The following EYS variants were observed in gnomAD, a reference collection of about 807,000 sequenced individuals.
The protein encoded by EYS is EGF-like photoreceptor maintenance factor.
In EYS, 250 loss-of-function variants were observed where a neutral mutation model predicts 282.1. That is an observed-to-expected ratio of 0.89 (90% CI 0.80 to 0.98). The LOEUF is 0.98. EYS is among the 50% of genes least tolerant of loss of function. The pLI, the probability that EYS is intolerant of heterozygous loss-of-function variation, is 0.00. For missense variants in EYS, 4,016 were observed against 3,709.0 expected (o/e 1.08, Z -2.15); for synonymous variants, 1,355 against 1,282.9 (o/e 1.06, Z -1.20).
intron 26 of EYS, among the ~76,000 whole-genome samples, chr6:64,513,271 C>A (rs1777463831): frequency 6.6e-6 from 1 of 151,822 alleles, no homozygotes; most frequent in Non-Finnish European, 1.5e-5. Flanking sequence ...GTGTCCTATA[C>A]TCACAAAATT....
rs138313960 is a variant in EYS at position 65,188,653 on chromosome 6, T to G, written c.2023+107210A>C. Among the ~76,000 whole-genome samples the G allele has an allele frequency of 2.6e-3, 391 of 151,312 alleles. 1 individual carries two copies. Among genetic ancestry groups the G allele is most frequent in the African/African-American group, 8.7e-3 (360 of 41,316 alleles). On this transcript the variant is annotated intron_variant, in intron 12 of 42. Transcript: ENST00000503581. ...TGACTTTAAAATACAGATATTATTC[T>G]GAATTATCTGGCAGGTCCCAATGTA...
At chr6:64,643,716 G>C (rs1031544071) in intron 22 of EYS, among the ~76,000 whole-genome samples, 1 of 152,166 alleles carries the variant, frequency 6.6e-6, no homozygotes, top group South Asian at 2.1e-4. Flanking sequence ...TCATGATAGT[G>C]AATAAGTCTC....
chr6:65,087,051 G>C (rs1303749577), intron 12 of EYS, among the ~76,000 whole-genome samples: 1 of 151,954 alleles, frequency 6.6e-6, no homozygotes, highest in Non-Finnish European at 1.5e-5. Flanking sequence ...TCAATCTCTT[G>C]ACCTCATAAT....
At chr6:65,609,859 T>C in intron 2 of EYS, among the ~76,000 whole-genome samples, 1 of 152,150 alleles carries the variant, frequency 6.6e-6, no homozygotes, top group East Asian at 1.9e-4. Context: ...CCACATATCA[T>C]GTGTCTACAC....
chr6:65,689,363 G>A (rs1349690394), intron 1 of EYS, among the ~76,000 whole-genome samples: 1 of 149,296 alleles, frequency 6.7e-6, no homozygotes, highest in Non-Finnish European at 1.5e-5. Flanking sequence ...ATCACACACT[G>A]GGGCCTGTTG....
intron 11 of EYS, among the ~76,000 whole-genome samples, chr6:65,324,146 AG>A (rs1271183581): frequency 1.3e-5 from 2 of 151,518 alleles, no homozygotes; most frequent in East Asian, 4.0e-4. Context: ...TATATAAAAT[AG>A]CCCCTTTCCC....
At position 64,243,203 on chromosome 6, in the gene EYS, A is replaced by G. The variant is rs183974985; in HGVS notation, c.6192-12379T>C. 3.2e-4 allele frequency among the ~76,000 whole-genome samples: 48 copies of G among 152,070 alleles called. No homozygotes were observed. The East Asian group carries it at 8.9e-3, about 28-fold the overall frequency. On this transcript the variant is annotated intron_variant, in intron 30 of 42. Transcript: ENST00000503581. ...AATACACTTTCATTGCCAAGGGGCA[A>G]TCACTCTCTGTGTTACATTTCATAC...
At chr6:64,743,930 T>C (rs1772463176) in intron 22 of EYS, among the ~76,000 whole-genome samples, 2 of 152,128 alleles carry the variant, frequency 1.3e-5, no homozygotes, top group Non-Finnish European at 2.9e-5. Flanking sequence ...TACATTACTC[T>C]AAAATAGAGA....
At chr6:65,149,200 G>A (rs879861613) in intron 12 of EYS, among the ~76,000 whole-genome samples, 13 of 151,984 alleles carry the variant, frequency 8.6e-5, no homozygotes, top group Non-Finnish European at 1.5e-4. Flanking sequence ...TGCATCATCA[G>A]GCTGCAAATT....
At chr6:64,761,087 C>T (rs1773141732) in intron 22 of EYS, among the ~76,000 whole-genome samples, 1 of 152,182 alleles carries the variant, frequency 6.6e-6, no homozygotes, top group African/African-American at 2.4e-5. Context: ...CGTAACTCTA[C>T]TTGAATTCAG....
At chr6:65,228,890 T>A (rs1477159711) in intron 12 of EYS, among the ~76,000 whole-genome samples, 1 of 152,014 alleles carries the variant, frequency 6.6e-6, no homozygotes, top group Non-Finnish European at 1.5e-5. Context: ...GACAACAGTG[T>A]AAAGGCGATT....
intron 26 of EYS, among the ~76,000 whole-genome samples, chr6:64,474,494 CT>C (rs1303103206): frequency 2.0e-5 from 3 of 152,128 alleles, no homozygotes; most frequent in African/African-American, 7.2e-5. Context: ...AAAAACAACT[CT>C]TCAGTCCTTT....
intron 22 of EYS, among the ~76,000 whole-genome samples, chr6:64,693,182 T>G (rs1770459845): frequency 6.6e-6 from 1 of 151,760 alleles, no homozygotes. Context: ...TAGGTAAATT[T>G]AAAATATTAT....
intron 28 of EYS, among the ~76,000 whole-genome samples, chr6:64,396,447 T>A (rs1773380863): frequency 6.6e-6 from 1 of 152,144 alleles, no homozygotes; most frequent in Non-Finnish European, 1.5e-5. Flanking sequence ...TTTTTAATAA[T>A]CAGAAGTTTT....
At chr6:65,635,617 A>T (rs1377104977) in intron 2 of EYS, among the ~76,000 whole-genome samples, 1 of 152,142 alleles carries the variant, frequency 6.6e-6, no homozygotes, top group African/African-American at 2.4e-5. Flanking sequence ...CCCATTCAAT[A>T]TAAAATTTAG....
chr6:65,106,518 C>A (rs913454362), intron 12 of EYS, among the ~76,000 whole-genome samples: 3 of 152,022 alleles, frequency 2.0e-5, no homozygotes, highest in Non-Finnish European at 4.4e-5. Context: ...AATGTTACAT[C>A]AGCCTACAAA....
intron 22 of EYS, among the ~76,000 whole-genome samples, chr6:64,788,738 CACTT>C (rs1306097892): frequency 2.0e-5 from 3 of 152,134 alleles, no homozygotes; most frequent in East Asian, 1.9e-4. Context: ...TCCCTATTGT[CACTT>C]ACTTCTCTTG....
intron 22 of EYS, among the ~76,000 whole-genome samples, chr6:64,698,945 A>C (rs898984567): frequency 1.3e-5 from 2 of 152,192 alleles, no homozygotes; most frequent in Non-Finnish European, 2.9e-5. Flanking sequence ...AAGCAGAACT[A>C]TGATTCAACC....
At position 64,009,360 on chromosome 6, in the gene EYS, T is replaced by C. The variant is rs151113482; in HGVS notation, c.6726-10177A>G. On this transcript the variant is annotated intron_variant, in intron 33 of 42. Coordinates refer to ENST00000503581, the MANE Select transcript of EYS (RefSeq NM_001142800.2). ...GTGCAGTGGCGTGATCTCGGCTCACTGCAAGCTCCGCCCCCCAGGTTCATG... is the reference window on the plus strand; with the variant it reads ...GTGCAGTGGCGTGATCTCGGCTCACCGCAAGCTCCGCCCCCCAGGTTCATG... Among the ~76,000 whole-genome samples the C allele has an allele frequency of 1.4e-3, 212 of 151,664 alleles. 2 individuals carry two copies. The East Asian group carries it at 0.036, about 26-fold the overall frequency.
Sources: gnomAD v4.1 joint callset for allele counts (sites outside exome capture counted in the v4.1 genomes callset) on GRCh38, gnomAD v4.1.1 for gene constraint, MANE v1.5 for transcripts, NCBI Gene and HGNC (gene_info 2026-07-23, HGNC 2026-07-21) for gene names.